The following ZCRB1 variants were observed in gnomAD, a reference collection of about 807,000 sequenced individuals.
The protein encoded by ZCRB1 is zinc finger CCHC-type and RNA binding motif containing 1.
A neutral mutation model predicts 29.9 loss-of-function variants in ZCRB1; 21 were observed. The observed-to-expected ratio is 0.70, with a 90% CI of 0.50 to 1.01. The LOEUF (loss-of-function observed/expected upper bound fraction) is 1.01. Among genes scored for constraint, ZCRB1 ranks in the 50% least tolerant of loss-of-function variants. The pLI, the probability that ZCRB1 is intolerant of heterozygous loss-of-function variation, is 0.00. For synonymous variants in ZCRB1, 77 were observed against 80.0 expected (o/e 0.96, Z 0.20); for missense variants, 204 against 253.3 (o/e 0.81, Z 1.32).
At chr12:42,324,186 T>C (rs1171179213) in intron 1 of ZCRB1, 82 bp from the exon 2 acceptor site, 12 of 1,329,570 alleles carry the variant, frequency 9.0e-6, no homozygotes. Context: ...TTCCCTCTTG[T>C]TGCCCAGGCT....
At chr12:42,325,477 A>G (rs924245236) in intron 1 of ZCRB1, 2 of 152,238 alleles carry the variant, frequency 1.3e-5, no homozygotes, top group African/African-American at 2.4e-5. Context: ...ATATGTATAT[A>G]AAGTTTACAA....
At chr12:42,313,542 TA>T in intron 7 of ZCRB1, 147 bp downstream of exon 7, 3 of 824,180 alleles carry the variant, frequency 3.6e-6, no homozygotes, top group East Asian at 5.2e-5. Flanking sequence ...TCACACTGGC[TA>T]AGTACCTCAG....
chr12:42,315,728 T>A (rs1054853862), intron 5 of ZCRB1, among the ~76,000 whole-genome samples: 2 of 152,202 alleles, frequency 1.3e-5, no homozygotes, highest in Admixed American at 1.3e-4. Context: ...TTACTGTGAA[T>A]ATGAAGATAT....
chr12:42,322,788 A>C (rs7974443), intron 2 of ZCRB1, among the ~76,000 whole-genome samples: 146,836 of 152,278 alleles, frequency 0.96, 71,049 homozygotes, highest in Middle Eastern at 1. Context: ...ATAGTGCCAG[A>C]TACACCTGTG....
Position 42,312,892 on chromosome 12 carries a change from T to C in ZCRB1, c.*175A>G, listed in dbSNP as rs1326525964. On this transcript the variant is annotated 3_prime_UTR_variant, in exon 8 of 8. Transcript: ENST00000266529. ...AGTCCTCATGTAAACAAATCAGGCA[T>C]GAATAAAGCCCTTATAATGAACTTT... The C allele has an allele frequency of 3.3e-6, 2 of 613,832 alleles. No homozygotes were observed. Among genetic ancestry groups the C allele is most frequent in the East Asian group, 3.9e-5 (1 of 25,496 alleles). The allele number at this position is 613,832 out of a possible 1,614,324, so 38.0% of individuals were successfully genotyped here.
In ZCRB1 at chr12:42,326,074, G is replaced by C. The variant is rs746785097; in HGVS notation, c.-153C>G. On this transcript the variant is annotated 5_prime_UTR_variant, in exon 1 of 8. Transcript: ENST00000266529. ...GCGGAGAGCAGATAATAGCAGCCAC[G>C]GTGCTTCTTCCCGACTGTTTGAGAT... is the stretch of plus-strand genomic sequence containing the variant. The C allele has an allele frequency of 3.9e-5, 6 of 152,428 alleles. No individual in the cohort carries two copies. Among genetic ancestry groups the C allele is most frequent in the Non-Finnish European group, 5.9e-5 (4 of 68,112 alleles). The allele number at this position is 152,428 out of a possible 1,614,324, so 9.4% of individuals were successfully genotyped here. A position where few individuals can be genotyped will look rare whatever the true frequency, so the allele number is the denominator to read the frequency against.
At chr12:42,317,997 GAT>G (rs1565692603) in intron 3 of ZCRB1, 99 bp from the exon 4 acceptor site, 2 of 887,766 alleles carry the variant, frequency 2.3e-6, no homozygotes, top group Non-Finnish European at 3.4e-6. Flanking sequence ...AAATTTATAA[GAT>G]AAATTAATAC....
chr12:42,322,498 A>C (rs1178595350), intron 2 of ZCRB1, 52 bp from the exon 3 acceptor site: 1 of 1,425,550 alleles, frequency 7.0e-7, no homozygotes, highest in Non-Finnish European at 9.4e-7. Context: ...ATAAAACATC[A>C]AATTTTTAGG....
intron 3 of ZCRB1, among the ~76,000 whole-genome samples, chr12:42,318,446 T>C (rs1032671347): frequency 6.6e-6 from 1 of 151,946 alleles, no homozygotes; most frequent in Admixed American, 6.6e-5. Context: ...CTGGGCAACA[T>C]AATGAGACCC....
chr12:42,317,588 C>A, intron 4 of ZCRB1, 141 bp from the exon 5 acceptor site: 1 of 820,392 alleles, frequency 1.2e-6, no homozygotes, highest in Non-Finnish European at 1.9e-6. Context: ...AAATTCTATT[C>A]TGTAGTATTC....
chr12:42,317,557 C>A (rs2068600801), intron 4 of ZCRB1, 110 bp from the exon 5 acceptor site: 1 of 969,338 alleles, frequency 1.0e-6, no homozygotes, highest in African/African-American at 1.7e-5. Context: ...GATTTTTTAG[C>A]AATTGTCACT....
At chr12:42,322,291 A>T in intron 3 of ZCRB1, 127 bp downstream of exon 3, 1 of 949,138 alleles carries the variant, frequency 1.1e-6, no homozygotes, top group Non-Finnish European at 1.5e-6. Flanking sequence ...TGTCATAAAA[A>T]TGTTAATAGT....
chr12:42,316,103 T>C (rs958880350), intron 5 of ZCRB1, among the ~76,000 whole-genome samples: 2 of 152,086 alleles, frequency 1.3e-5, no homozygotes, highest in Non-Finnish European at 2.9e-5. Flanking sequence ...TTATGTTTAT[T>C]TTTATTTTTG....
chr12:42,318,127 A>G (rs1035946183), intron 3 of ZCRB1, among the ~76,000 whole-genome samples: 1 of 152,218 alleles, frequency 6.6e-6, no homozygotes, highest in African/African-American at 2.4e-5. Flanking sequence ...TCAGAGATTG[A>G]AGGGTGAAGT....
At chr12:42,315,214 T>C (rs1438366925) in intron 5 of ZCRB1, among the ~76,000 whole-genome samples, 11 of 152,228 alleles carry the variant, frequency 7.2e-5, no homozygotes, top group Admixed American at 6.5e-4. Flanking sequence ...ACTAGGCTAT[T>C]ATTCCTACTT....
At chr12:42,325,891 A>T (rs936304114) in intron 1 of ZCRB1, 33 bp downstream of exon 1, 1 of 152,630 alleles carries the variant, frequency 6.6e-6, no homozygotes, top group African/African-American at 2.4e-5. Context: ...GGGGCCCCGC[A>T]GGAGAGAAGG....
chr12:42,318,589 T>C (rs1214083119), intron 3 of ZCRB1, among the ~76,000 whole-genome samples: 1 of 152,202 alleles, frequency 6.6e-6, no homozygotes, highest in East Asian at 1.9e-4. Flanking sequence ...ACATCCCTAG[T>C]CATGGAGGCC....
chr12:42,323,996 G>A, intron 2 of ZCRB1, 23 bp downstream of exon 2: 1 of 1,588,240 alleles, frequency 6.3e-7, no homozygotes, highest in Non-Finnish European at 8.6e-7. Context: ...TCAAATAGCA[G>A]TCACTCGATA....
chr12:42,313,269 TG>T, intron 7 of ZCRB1, 71 bp from the exon 8 acceptor site: 1 of 1,498,822 alleles, frequency 6.7e-7, no homozygotes, highest in Non-Finnish European at 8.9e-7. Context: ...ATTCAAAACA[TG>T]GCAAAAACAT....
Sources: allele counts gnomAD v4.1 joint callset (sites outside exome capture counted in the v4.1 genomes callset), GRCh38; gene constraint gnomAD v4.1.1; transcripts MANE v1.5; gene names NCBI Gene and HGNC (gene_info 2026-07-23, HGNC 2026-07-21).